TAFA1: variants seen among roughly 807,000 people sequenced by gnomAD.
TAFA1 encodes chemokine-like protein TAFA-1.
Under a neutral mutation model 18.5 loss-of-function variants are expected in TAFA1, and 4 were observed. The ratio of observed to expected loss-of-function variants is 0.22; its 90% CI spans 0.11 to 0.49. The LOEUF (loss-of-function observed/expected upper bound fraction) is 0.49, where lower values mean the gene tolerates loss of function less well. Among genes scored for constraint, TAFA1 ranks in the 20% least tolerant of loss-of-function variants. The pLI, the probability that TAFA1 is intolerant of heterozygous loss-of-function variation, is 0.98. For synonymous variants in TAFA1, 56 were observed against 55.2 expected (o/e 1.01, Z -0.06); for missense variants, 147 against 169.0 (o/e 0.87, Z 0.72).
In TAFA1 at chr3:68,270,501, T is replaced by C. The variant is rs181577598; in HGVS notation, c.119-146779T>C. 3.9e-5 allele frequency among the ~76,000 whole-genome samples: 6 copies of C among 152,304 alleles called. No individual in the cohort carries two copies. In the East Asian group the frequency reaches 1.2e-3, roughly 29 times the overall value. ...AAAATGTGAAGACTCATTGATGTTT[T>C]TATGCAGCATCGATTCCCCTGTCAG... On this transcript the variant is annotated intron_variant, in intron 2 of 4. Transcript: ENST00000478136.
chr3:68,115,622 G>C (rs1338459414), intron 2 of TAFA1, among the ~76,000 whole-genome samples: 2 of 152,164 alleles, frequency 1.3e-5, no homozygotes, highest in African/African-American at 2.4e-5. Context: ...AGAGTGCTTT[G>C]TTTCTTGCTC....
At chr3:68,467,812 C>T (rs763784343) in intron 3 of TAFA1, among the ~76,000 whole-genome samples, 2 of 152,082 alleles carry the variant, frequency 1.3e-5, no homozygotes, top group Admixed American at 6.5e-5. Context: ...CAAATTCTTG[C>T]TAAAACGGGA....
chr3:68,271,591 A>G (rs1203978612), intron 2 of TAFA1, among the ~76,000 whole-genome samples: 1 of 152,184 alleles, frequency 6.6e-6, no homozygotes, highest in Non-Finnish European at 1.5e-5. Flanking sequence ...GACAAGAGAT[A>G]GAGAGTCCCA....
intron 2 of TAFA1, among the ~76,000 whole-genome samples, chr3:68,236,693 A>T (rs1033017389): frequency 6.6e-6 from 1 of 152,222 alleles, no homozygotes; most frequent in African/African-American, 2.4e-5. Context: ...TGTATTTCTT[A>T]AAGTGGGCTT....
At chr3:68,323,378 G>C (rs1187522996) in intron 2 of TAFA1, among the ~76,000 whole-genome samples, 1 of 152,142 alleles carries the variant, frequency 6.6e-6, no homozygotes, top group Non-Finnish European at 1.5e-5. Context: ...TCAGGAAAGA[G>C]GAGCCAACAC....
chr3:68,205,493 T>C (rs2066515763), intron 2 of TAFA1, among the ~76,000 whole-genome samples: 1 of 151,826 alleles, frequency 6.6e-6, no homozygotes, highest in Non-Finnish European at 1.5e-5. Context: ...ACTTTCCACA[T>C]TGGTGAAATG....
At chr3:68,081,756 C>T (rs2064903778) in intron 2 of TAFA1, among the ~76,000 whole-genome samples, 1 of 152,226 alleles carries the variant, frequency 6.6e-6, no homozygotes, top group African/African-American at 2.4e-5. Context: ...GAGGTTACTG[C>T]TGTCTTTTTG....
At chr3:68,517,303 C>T (rs1315728311) in intron 3 of TAFA1, among the ~76,000 whole-genome samples, 1 of 152,098 alleles carries the variant, frequency 6.6e-6, no homozygotes, top group Non-Finnish European at 1.5e-5. Flanking sequence ...TACCAGTTTT[C>T]CACTTATAGT....
chr3:68,071,719 G>C (rs2064757516), intron 2 of TAFA1, among the ~76,000 whole-genome samples: 1 of 152,152 alleles, frequency 6.6e-6, no homozygotes. Context: ...AGATTTAATT[G>C]GCTCATGGTT....
intron 3 of TAFA1, among the ~76,000 whole-genome samples, chr3:68,521,856 G>GTTTTTTT (rs57372768): frequency 0.23 from 16,347 of 70,648 alleles, 3,625 homozygotes; most frequent in African/African-American, 0.26. Context: ...GTTTTTTTCT[G>GTTTTTTT]TTTTTTTTTT....
intron 3 of TAFA1, among the ~76,000 whole-genome samples, chr3:68,467,837 A>G (rs1343825379): frequency 1.3e-5 from 2 of 152,220 alleles, no homozygotes. Flanking sequence ...GCAGAGACAA[A>G]CATGGAAATC....
rs1239315563 is a variant in TAFA1, at chr3:68,305,423, A to G, written c.119-111857A>G. ...TGACTATATGACTATATATATATAT[A>G]TATATATATATATATATATATATAT... On this transcript the variant is annotated intron_variant, in intron 2 of 4. Coordinates refer to ENST00000478136, the MANE Select transcript of TAFA1 (RefSeq NM_213609.4). Among the ~76,000 whole-genome samples, 31 of 94,298 alleles carry G rather than the reference A, an allele frequency of 3.3e-4. 2 individuals are homozygous for G. The highest frequency in any genetic ancestry group is 8.6e-3 in the Middle Eastern group (2 of 232). The allele number at this position is 94,298 out of a possible 152,430, so 61.9% of individuals were successfully genotyped here.
intron 2 of TAFA1, among the ~76,000 whole-genome samples, chr3:68,313,068 A>G (rs2068547205): frequency 6.6e-6 from 1 of 152,166 alleles, no homozygotes; most frequent in South Asian, 2.1e-4. Flanking sequence ...TATCATGAGA[A>G]AAGAATGGGA....
At chr3:68,266,317 C>T (rs1416880090) in intron 2 of TAFA1, among the ~76,000 whole-genome samples, 1 of 152,052 alleles carries the variant, frequency 6.6e-6, no homozygotes, top group Non-Finnish European at 1.5e-5. Flanking sequence ...ATATAAAATA[C>T]CTTTAATTGA....
At chr3:68,048,443 T>C (rs2064421510) in intron 2 of TAFA1, among the ~76,000 whole-genome samples, 1 of 152,130 alleles carries the variant, frequency 6.6e-6, no homozygotes, top group South Asian at 2.1e-4. Flanking sequence ...ATTTATTCTT[T>C]GTGTTACAAA....
At chr3:68,310,510 A>T (rs1366606680) in intron 2 of TAFA1, among the ~76,000 whole-genome samples, 2 of 152,118 alleles carry the variant, frequency 1.3e-5, no homozygotes, top group East Asian at 3.8e-4. Flanking sequence ...TCCTTGGTAA[A>T]TTTCCAATTT....
intron 2 of TAFA1, among the ~76,000 whole-genome samples, chr3:68,053,166 T>C (rs2064493178): frequency 6.6e-6 from 1 of 151,738 alleles, no homozygotes; most frequent in Non-Finnish European, 1.5e-5. Context: ...TTTCTAACAC[T>C]AGCACAGACA....
At chr3:68,346,561 T>C (rs2069167756) in intron 2 of TAFA1, among the ~76,000 whole-genome samples, 1 of 152,200 alleles carries the variant, frequency 6.6e-6, no homozygotes, top group Admixed American at 6.5e-5. Context: ...AGCAACAGTA[T>C]TTGGGAGTGT....
chr3:68,196,981 C>A (rs976718266), intron 2 of TAFA1, among the ~76,000 whole-genome samples: 1 of 151,658 alleles, frequency 6.6e-6, no homozygotes. Context: ...ATTTTGTTAC[C>A]AGGATAATGT....
Sources: gnomAD v4.1 joint callset for allele counts (sites outside exome capture counted in the v4.1 genomes callset) on GRCh38, gnomAD v4.1.1 for gene constraint, MANE v1.5 for transcripts, NCBI Gene and HGNC (gene_info 2026-07-23, HGNC 2026-07-21) for gene names.